Variants in PKP2 observed in about 807,000 individuals in gnomAD.
The protein encoded by PKP2 is plakophilin-2.
A neutral mutation model predicts 83.4 loss-of-function variants in PKP2; 73 were observed. The ratio of observed to expected loss-of-function variants is 0.88; its 90% CI spans 0.72 to 1.06. The LOEUF (loss-of-function observed/expected upper bound fraction) is 1.06. Among genes scored for constraint, PKP2 ranks in the 50% least tolerant of loss-of-function variants. PKP2 has a pLI of 0.00. For synonymous variants in PKP2, 409 were observed against 430.4 expected, an observed-to-expected ratio of 0.95 and a Z score of 0.62; for missense variants, 966 against 1,065.4, an observed-to-expected ratio of 0.91 and a Z score of 1.30.
chr12:32,809,397 C>T (rs1169527968), intron 9 of PKP2, among the ~76,000 whole-genome samples: 1 of 152,184 alleles, frequency 6.6e-6, no homozygotes, highest in African/African-American at 2.4e-5. Flanking sequence ...GTGCAGTTGA[C>T]CAAACCACAG....
At chr12:32,853,049 A>G (rs537122643) in intron 4 of PKP2, among the ~76,000 whole-genome samples, 1 of 152,212 alleles carries the variant, frequency 6.6e-6, no homozygotes, top group East Asian at 1.9e-4. Flanking sequence ...GCACCACTGC[A>G]CTCTAGCTCG....
chr12:32,843,353 G>T, intron 5 of PKP2: 2 of 1,358,096 alleles, frequency 1.5e-6, no homozygotes, highest in Non-Finnish European at 2.0e-6. Context: ...CTCAGGGCAG[G>T]CTCCTTTATG....
rs1415117420 is a variant in PKP2 at position 32,843,225 on chromosome 12, C to T, written c.1379-2020G>A. ...CTCGAACTCCTGACCTCGTGATCCG[C>T]CCGCCTTGGCCTCCCAAAGTGCTGG... is the stretch of plus-strand genomic sequence containing the variant. On this transcript the variant is annotated intron_variant, in intron 5 of 12. Coordinates refer to ENST00000340811, the MANE Select transcript of PKP2 (RefSeq NM_001005242.3). 6 of 729,664 alleles carry T rather than the reference C, an allele frequency of 8.2e-6. No homozygotes were observed. In the African/African-American group the frequency reaches 9.0e-5, roughly 11 times the overall value. The allele number at this position is 729,664 out of a possible 1,614,324, so 45.2% of individuals were successfully genotyped here. A position where few individuals can be genotyped will look rare whatever the true frequency, so the allele number is the denominator to read the frequency against.
At chr12:32,796,590 G>A (rs1427588573) in intron 10 of PKP2, among the ~76,000 whole-genome samples, 2 of 151,828 alleles carry the variant, frequency 1.3e-5, no homozygotes, top group African/African-American at 4.8e-5. Context: ...CAGTAGAGAC[G>A]GAGTTTCACC....
At chr12:32,866,388 A>G (rs1446568292) in intron 4 of PKP2, among the ~76,000 whole-genome samples, 3 of 151,776 alleles carry the variant, frequency 2.0e-5, no homozygotes, top group Non-Finnish European at 4.4e-5. Flanking sequence ...CCCCATCTCT[A>G]CAAAAAATAC....
chr12:32,882,055 G>A (rs1160306152), intron 1 of PKP2, among the ~76,000 whole-genome samples: 8 of 152,128 alleles, frequency 5.3e-5, no homozygotes, highest in Non-Finnish European at 8.8e-5. Context: ...GATGTGGCTG[G>A]GGAGAGTGCT....
At chr12:32,814,985 C>T (rs1171834203) in intron 9 of PKP2, among the ~76,000 whole-genome samples, 1 of 151,998 alleles carries the variant, frequency 6.6e-6, no homozygotes, top group Non-Finnish European at 1.5e-5. Context: ...TTTTCTCTCA[C>T]CCATCAAAAC....
intron 6 of PKP2, among the ~76,000 whole-genome samples, chr12:32,826,047 G>T (rs1956437194): frequency 1.3e-5 from 2 of 152,158 alleles, no homozygotes; most frequent in South Asian, 2.1e-4. Context: ...GCTTACACCT[G>T]TAATTCCAGC....
chr12:32,887,585 C>T (rs1318834348), intron 1 of PKP2, among the ~76,000 whole-genome samples: 3 of 152,250 alleles, frequency 2.0e-5, no homozygotes, highest in Non-Finnish European at 2.9e-5. Context: ...TTCCGAGTAG[C>T]TGGACTACAG....
Position 32,792,360 on chromosome 12 carries a change from G to T in PKP2, c.*64C>A. The T allele has an allele frequency of 8.6e-7, 1 of 1,158,720 alleles. No homozygotes were observed. The highest frequency in any genetic ancestry group is 1.3e-6 in the Non-Finnish European group (1 of 764,598). 71.8% of individuals were successfully genotyped at this position (1,158,720 alleles called of 1,614,324 possible). On this transcript the variant is annotated 3_prime_UTR_variant, in exon 13 of 13. Coordinates refer to ENST00000340811, the MANE Select transcript of PKP2 (RefSeq NM_001005242.3). ...ATGCTTTTGAGGTTTCTTGGGCTGG[G>T]TAGTAGAAAAATAGGTGTTTTCCTT...
chr12:32,846,338 G>C (rs539577207), intron 5 of PKP2, among the ~76,000 whole-genome samples: 1 of 152,226 alleles, frequency 6.6e-6, no homozygotes, highest in East Asian at 1.9e-4. Flanking sequence ...CACCGGGGTG[G>C]GGGGAGTGGG....
At chr12:32,825,281 G>T (rs1456905100) in intron 6 of PKP2, among the ~76,000 whole-genome samples, 1 of 146,270 alleles carries the variant, frequency 6.8e-6, no homozygotes, top group Non-Finnish European at 1.5e-5. Context: ...CGATTCTCCT[G>T]CCTCAGCCTC....
chr12:32,863,677 G>A (rs1226900122), intron 4 of PKP2, among the ~76,000 whole-genome samples: 1 of 152,168 alleles, frequency 6.6e-6, no homozygotes, highest in East Asian at 1.9e-4. Context: ...TGAATTTGCA[G>A]CTAAGAACCT....
chr12:32,814,763 A>C (rs1405416945), intron 9 of PKP2, among the ~76,000 whole-genome samples: 1 of 152,026 alleles, frequency 6.6e-6, no homozygotes, highest in Admixed American at 6.6e-5. Flanking sequence ...GTCTCTACTA[A>C]AAGTACAAAA....
At chr12:32,835,348 C>T (rs1026110883) in intron 6 of PKP2, among the ~76,000 whole-genome samples, 9 of 152,056 alleles carry the variant, frequency 5.9e-5, no homozygotes, top group Non-Finnish European at 7.4e-5. Context: ...CCACCGTGCC[C>T]GGCCTACTTT....
At chr12:32,854,297 G>T (rs1956726563) in intron 4 of PKP2, among the ~76,000 whole-genome samples, 1 of 152,174 alleles carries the variant, frequency 6.6e-6, no homozygotes, top group Non-Finnish European at 1.5e-5. Context: ...CGGAAAGAGA[G>T]AACTACAGAC....
intron 11 of PKP2, 65 bp from the exon 12 acceptor site, chr12:32,792,796 G>A (rs1956083150): frequency 7.8e-7 from 1 of 1,288,442 alleles, no homozygotes; most frequent in African/African-American, 1.5e-5. Context: ...CGGCCTGTGG[G>A]TGTTCTGTAA....
rs10607965 is a variant in PKP2, at chr12:32,825,162, CTTTTTTTTTTTTT to C, written c.1557-1013_1557-1001del. Among the ~76,000 whole-genome samples the C allele has an allele frequency of 1.7e-4, 13 of 76,856 alleles. 1 individual carries two copies. The Admixed American group carries it at 1.9e-3, about 11-fold the overall frequency. The allele number at this position is 76,856 out of a possible 152,430, so 50.4% of individuals were successfully genotyped here. ...CCTATAAAATGTATCAGATCAGTTTCTTTTTTTTTTTTTTTTTTTTTTTTGAGACGGAGTCTCA... is the reference window on the plus strand; with the variant it reads ...CCTATAAAATGTATCAGATCAGTTTCTTTTTTTTTTTGAGACGGAGTCTCA... On this transcript the variant is annotated intron_variant, in intron 6 of 12. Transcript: ENST00000340811.
rs753390355 is a variant in PKP2, at chr12:32,792,377, G to A, written c.*47C>T. The A allele has an allele frequency of 2.8e-6, 4 of 1,417,038 alleles. No homozygotes were observed. The Admixed American group carries it at 5.0e-5, about 18-fold the overall frequency. The allele number at this position is 1,417,038 out of a possible 1,614,324, so 87.8% of individuals were successfully genotyped here. On this transcript the variant is annotated 3_prime_UTR_variant, in exon 13 of 13. Coordinates refer to ENST00000340811, the MANE Select transcript of PKP2 (RefSeq NM_001005242.3). Reference sequence around the variant, plus strand: ...TGGGCTGGGTAGTAGAAAAATAGGTGTTTTCCTTTGGGGATTTTTGCAGCC... The same window carrying A: ...TGGGCTGGGTAGTAGAAAAATAGGTATTTTCCTTTGGGGATTTTTGCAGCC...
Sources: gnomAD v4.1 joint callset for allele counts (sites outside exome capture counted in the v4.1 genomes callset) on GRCh38, gnomAD v4.1.1 for gene constraint, MANE v1.5 for transcripts, NCBI Gene and HGNC (gene_info 2026-07-23, HGNC 2026-07-21) for gene names.